The following DNAAF4 variants were observed in gnomAD, a reference collection of about 807,000 sequenced individuals.
DNAAF4 encodes dynein axonemal assembly factor 4.
DNAAF4 carries 43 observed loss-of-function variants against 51.8 expected under a neutral mutation model. The ratio of observed to expected loss-of-function variants is 0.83; its 90% CI spans 0.65 to 1.07. The LOEUF is 1.07. Among genes scored for constraint, DNAAF4 ranks in the 50% least tolerant of loss-of-function variants. DNAAF4 has a pLI of 0.00. For synonymous variants in DNAAF4, 194 were observed against 165.6 expected (o/e 1.17, Z -1.32); for missense variants, 581 against 493.0 (o/e 1.18, Z -1.69).
At chr15:55,439,154 G>GC (rs2057666342) in intron 7 of DNAAF4, among the ~76,000 whole-genome samples, 1 of 152,188 alleles carries the variant, frequency 6.6e-6, no homozygotes, top group Non-Finnish European at 1.5e-5. Flanking sequence ...AGACTGGAGT[G>GC]CAGTGGCACA....
intron 7 of DNAAF4, among the ~76,000 whole-genome samples, chr15:55,423,119 C>G (rs2141383012): frequency 6.6e-6 from 1 of 151,080 alleles, no homozygotes; most frequent in South Asian, 2.1e-4. Context: ...AGTAGTTTTG[C>G]TGCACACTGA....
intron 6 of DNAAF4, among the ~76,000 whole-genome samples, chr15:55,449,883 C>G (rs893020165): frequency 2.0e-5 from 3 of 151,556 alleles, no homozygotes; most frequent in Non-Finnish European, 2.9e-5. Context: ...ATTTTTAGTA[C>G]AGATGGAGTT....
chr15:55,479,259 T>C (rs572306502), intron 4 of DNAAF4, among the ~76,000 whole-genome samples: 1 of 151,858 alleles, frequency 6.6e-6, no homozygotes, highest in South Asian at 2.1e-4. Flanking sequence ...TTGCGGGAAG[T>C]CAGGGACCCC....
At chr15:55,432,676 T>A in intron 8 of DNAAF4, 74 bp from the exon 9 acceptor site, 1 of 1,364,518 alleles carries the variant, frequency 7.3e-7, no homozygotes, top group Middle Eastern at 1.9e-4. Flanking sequence ...CTGGGCATGG[T>A]GGCTCACGCC....
intron 5 of DNAAF4, among the ~76,000 whole-genome samples, chr15:55,464,311 G>T (rs1225542330): frequency 6.6e-6 from 1 of 152,144 alleles, no homozygotes; most frequent in African/African-American, 2.4e-5. Context: ...ACTCAAGATG[G>T]ATCAAAGACT....
chr15:55,420,072 T>G (rs535858425), intron 7 of DNAAF4, among the ~76,000 whole-genome samples: 6 of 152,160 alleles, frequency 3.9e-5, no homozygotes, highest in Non-Finnish European at 7.4e-5. Context: ...ATAATTTTTG[T>G]AATGTAAAGT....
At chr15:55,454,534 C>T (rs1376607907) in intron 5 of DNAAF4, among the ~76,000 whole-genome samples, 2 of 151,800 alleles carry the variant, frequency 1.3e-5, no homozygotes, top group African/African-American at 4.8e-5. Context: ...TGTGCCACCA[C>T]AGCCAGCTAA....
At chr15:55,489,935 G>A (rs568565071) in intron 4 of DNAAF4, among the ~76,000 whole-genome samples, 46 of 149,812 alleles carry the variant, frequency 3.1e-4, no homozygotes, top group African/African-American at 1.0e-3. Flanking sequence ...GTGCAGTGGC[G>A]CAATCTCCGC....
chr15:55,482,634 A>G (rs2058428031), intron 4 of DNAAF4, among the ~76,000 whole-genome samples: 1 of 152,132 alleles, frequency 6.6e-6, no homozygotes, highest in Non-Finnish European at 1.5e-5. Context: ...AGCTGAGATC[A>G]TGCCATTGCA....
chr15:55,449,226 G>T (rs536875253), intron 6 of DNAAF4, among the ~76,000 whole-genome samples: 4 of 150,224 alleles, frequency 2.7e-5, no homozygotes, highest in African/African-American at 9.7e-5. Context: ...CTGACCTCAG[G>T]TGATCCACCC....
At chr15:55,420,607 C>G (rs1366503361) in intron 7 of DNAAF4, among the ~76,000 whole-genome samples, 2 of 152,134 alleles carry the variant, frequency 1.3e-5, no homozygotes, top group East Asian at 3.8e-4. Flanking sequence ...CCCCCCAAAA[C>G]TGATATTTAG....
chr15:55,466,252 G>C (rs1474972318), intron 5 of DNAAF4, among the ~76,000 whole-genome samples: 3 of 151,952 alleles, frequency 2.0e-5, no homozygotes, highest in Non-Finnish European at 4.4e-5. Context: ...GCAAAACCTC[G>C]TCTCTACAAA....
At position 55,498,254 on chromosome 15, in the gene DNAAF4, C is replaced by A. The variant is rs761478624; in HGVS notation, c.76G>T (p.Val26Leu). ...AACACGTCCGTGTCTCTGACGCACA[C>A]GCCTTTGAGGGGCAGAGACAGAAAG... ...AVFLSLPLKG[V>L]CVRDTDVFCT... is the part of the protein sequence containing the mutation. The change falls in exon 2 of 10, where the codon GTG (valine) becomes TTG (leucine). Residue 26 changes from valine to leucine, a missense_variant. Transcript: ENST00000321149. 1 of 1,613,918 alleles carries A rather than the reference C, an allele frequency of 6.2e-7. No individual in the cohort carries two copies. The highest frequency in any genetic ancestry group is 1.1e-5 in the South Asian group (1 of 91,024).
rs2058668424 is a variant in DNAAF4, at chr15:55,498,345, AGCGGATAGCGCGGCTGGTTGCTTCTT to A, written c.-42_-17del. 1 of 1,597,084 alleles carries A rather than the reference AGCGGATAGCGCGGCTGGTTGCTTCTT, an allele frequency of 6.3e-7. No homozygotes were observed. The highest frequency in any genetic ancestry group is 8.6e-7 in the Non-Finnish European group (1 of 1,169,248). On this transcript the variant is annotated 5_prime_UTR_variant, in exon 2 of 10. Transcript: ENST00000321149. ...GAAGAGGCATTCCGGTAGCAACGGGAGCGGATAGCGCGGCTGGTTGCTTCTTGCGCCTGCTTGGTTGCTAGGGAAGC... is the reference window on the plus strand; with the variant it reads ...GAAGAGGCATTCCGGTAGCAACGGGAGCGCCTGCTTGGTTGCTAGGGAAGC...
intron 5 of DNAAF4, 124 bp from the exon 6 acceptor site, chr15:55,450,491 T>C: frequency 8.5e-7 from 1 of 1,174,984 alleles, no homozygotes; most frequent in Non-Finnish European, 1.2e-6. Context: ...AAATATATTT[T>C]CTGCAAGAAA....
At chr15:55,486,184 TG>T in intron 4 of DNAAF4, among the ~76,000 whole-genome samples, 1 of 149,644 alleles carries the variant, frequency 6.7e-6, no homozygotes, top group African/African-American at 2.5e-5. Context: ...TTTGGTTGGT[TG>T]GTTGGTTGGT....
intron 5 of DNAAF4, among the ~76,000 whole-genome samples, chr15:55,466,366 G>C (rs1353788378): frequency 2.0e-5 from 3 of 152,164 alleles, no homozygotes; most frequent in Non-Finnish European, 4.4e-5. Context: ...AGAGGCTGCA[G>C]TGAGCTCAGA....
intron 4 of DNAAF4, 75 bp from the exon 5 acceptor site, chr15:55,467,236 A>G: frequency 1.6e-6 from 2 of 1,279,808 alleles, no homozygotes; most frequent in Non-Finnish European, 1.1e-6. Context: ...ATTCATTACA[A>G]TAATTAGTTA....
chr15:55,478,482 G>A (rs1363192945), intron 4 of DNAAF4, among the ~76,000 whole-genome samples: 1 of 152,116 alleles, frequency 6.6e-6, no homozygotes, highest in Non-Finnish European at 1.5e-5. Context: ...GGTATACTGG[G>A]AGGCCTGGAA....
Sources: gnomAD v4.1 joint callset for allele counts (sites outside exome capture counted in the v4.1 genomes callset) on GRCh38, gnomAD v4.1.1 for gene constraint, MANE v1.5 for transcripts, NCBI Gene and HGNC (gene_info 2026-07-23, HGNC 2026-07-21) for gene names.